SLC16A10: variants seen among roughly 807,000 people sequenced by gnomAD.
SLC16A10 encodes monocarboxylate transporter 10.
A neutral mutation model predicts 40.0 loss-of-function variants in SLC16A10; 27 were observed. The ratio of observed to expected loss-of-function variants is 0.67; its 90% CI spans 0.50 to 0.93. SLC16A10 has a LOEUF of 0.93. Among genes scored for constraint, SLC16A10 ranks in the 40% least tolerant of loss-of-function variants. The pLI is 0.00. For synonymous variants in SLC16A10, 213 were observed against 249.8 expected (o/e 0.85, Z 1.39); for missense variants, 529 against 658.2 (o/e 0.80, Z 2.15).
At position 111,225,215 on chromosome 6, in the gene SLC16A10, A is replaced by G. The variant is rs1770969295; in HGVS notation, c.*2980A>G. On this transcript the variant is annotated 3_prime_UTR_variant, in exon 6 of 6. Transcript: ENST00000368851. ...ACAATGCTTACTCCATAGCCCTGCT[A>G]CAAGACTTAAAATTTCCACTGAAAA... 2.6e-5 allele frequency: 4 copies of G among 152,186 alleles called. No individual in the cohort carries two copies. The highest frequency in any genetic ancestry group is 2.6e-4 in the Admixed American group (4 of 15,270). 9.4% of individuals were successfully genotyped at this position (152,186 alleles called of 1,614,324 possible). A position where few individuals can be genotyped will look rare whatever the true frequency, so the allele number is the denominator to read the frequency against.
At chr6:111,093,362 C>T (rs1192241357) in intron 1 of SLC16A10, among the ~76,000 whole-genome samples, 1 of 152,208 alleles carries the variant, frequency 6.6e-6, no homozygotes, top group Non-Finnish European at 1.5e-5. Flanking sequence ...TAGATGGTTA[C>T]AGTCACAAAG....
At chr6:111,121,921 A>G (rs144493129) in intron 1 of SLC16A10, among the ~76,000 whole-genome samples, 33 of 152,248 alleles carry the variant, frequency 2.2e-4, no homozygotes, top group African/African-American at 7.2e-4. Context: ...GGCTCATGAG[A>G]GGTACATCCT....
intron 4 of SLC16A10, among the ~76,000 whole-genome samples, chr6:111,207,583 G>A (rs973259628): frequency 2.0e-5 from 3 of 152,222 alleles, no homozygotes; most frequent in Non-Finnish European, 2.9e-5. Context: ...ATAAAGCAGT[G>A]TTGCAGCACA....
intron 1 of SLC16A10, among the ~76,000 whole-genome samples, chr6:111,163,764 C>T (rs1772419688): frequency 6.6e-6 from 1 of 152,140 alleles, no homozygotes; most frequent in Non-Finnish European, 1.5e-5. Flanking sequence ...TTATGAAATA[C>T]AATTCCAGAT....
chr6:111,202,756 G>A (rs1435978417), intron 3 of SLC16A10, among the ~76,000 whole-genome samples: 6 of 151,156 alleles, frequency 4.0e-5, no homozygotes, highest in East Asian at 2.0e-4. Context: ...GCGTGGTGGC[G>A]GGCACCTGTA....
At chr6:111,219,120 A>T in intron 5 of SLC16A10, 78 bp downstream of exon 5, 1 of 1,273,656 alleles carries the variant, frequency 7.9e-7, no homozygotes, top group Non-Finnish European at 1.1e-6. Flanking sequence ...TCTCATTTAT[A>T]TGTAAAACAT....
At chr6:111,187,258 C>T (rs1188020619) in intron 3 of SLC16A10, among the ~76,000 whole-genome samples, 1 of 152,162 alleles carries the variant, frequency 6.6e-6, no homozygotes, top group East Asian at 1.9e-4. Flanking sequence ...GTGAAATGGG[C>T]AATATCAGGG....
At chr6:111,186,308 A>G (rs1189118747) in intron 3 of SLC16A10, among the ~76,000 whole-genome samples, 1 of 152,246 alleles carries the variant, frequency 6.6e-6, no homozygotes, top group Non-Finnish European at 1.5e-5. Flanking sequence ...GGACATTGGC[A>G]TGTCTCAAAT....
chr6:111,162,383 T>C (rs925049956), intron 1 of SLC16A10, among the ~76,000 whole-genome samples: 8 of 152,170 alleles, frequency 5.3e-5, no homozygotes, highest in Non-Finnish European at 1.2e-4. Context: ...CAAGATAACA[T>C]GGGGTTCCTG....
At chr6:111,219,813 C>T (rs1770857018) in intron 5 of SLC16A10, among the ~76,000 whole-genome samples, 1 of 152,124 alleles carries the variant, frequency 6.6e-6, no homozygotes, top group Non-Finnish European at 1.5e-5. Context: ...GGCATGGTGG[C>T]TCACACCTGT....
At chr6:111,119,838 A>G (rs925316578) in intron 1 of SLC16A10, among the ~76,000 whole-genome samples, 5 of 152,272 alleles carry the variant, frequency 3.3e-5, no homozygotes, top group East Asian at 1.9e-4. Context: ...TTTAGAAACC[A>G]TAATACTGGC....
intron 3 of SLC16A10, among the ~76,000 whole-genome samples, chr6:111,203,727 TAAATA>T (rs1417345795): frequency 5.6e-5 from 8 of 142,784 alleles, no homozygotes; most frequent in African/African-American, 2.2e-4. Flanking sequence ...CTCAAATAAA[TAAATA>T]AATAAATAAA....
chr6:111,201,551 A>G (rs1177345613), intron 3 of SLC16A10, among the ~76,000 whole-genome samples: 1 of 152,202 alleles, frequency 6.6e-6, no homozygotes, highest in Non-Finnish European at 1.5e-5. Context: ...CCAAAGATAT[A>G]TAGTCTAACT....
Position 111,226,010 on chromosome 6 carries a change from C to T in SLC16A10, c.*3775C>T, listed in dbSNP as rs1317445061. 1 of 152,168 alleles carries T rather than the reference C, an allele frequency of 6.6e-6. No individual in the cohort carries two copies. The highest frequency in any genetic ancestry group is 1.5e-5 in the Non-Finnish European group (1 of 68,038). 9.4% of individuals were successfully genotyped at this position (152,168 alleles called of 1,614,324 possible). A position where few individuals can be genotyped will look rare whatever the true frequency, so the allele number is the denominator to read the frequency against. On this transcript the variant is annotated 3_prime_UTR_variant, in exon 6 of 6. Transcript: ENST00000368851. ...TGGATCCCCACCCAATTTCGTGTATCCTGGTGAATGGCTTTCTCTCAGCCT... is the reference window on the plus strand; with the variant it reads ...TGGATCCCCACCCAATTTCGTGTATTCTGGTGAATGGCTTTCTCTCAGCCT...
intron 4 of SLC16A10, among the ~76,000 whole-genome samples, chr6:111,213,053 T>C (rs1393627003): frequency 6.6e-6 from 1 of 152,220 alleles, no homozygotes; most frequent in Non-Finnish European, 1.5e-5. Context: ...ATAAGTGTTT[T>C]GGAAGGGTGA....
chr6:111,162,107 T>C (rs7751478), intron 1 of SLC16A10, among the ~76,000 whole-genome samples: 76,278 of 152,072 alleles, frequency 0.5, 19,761 homozygotes, highest in East Asian at 0.7. Context: ...ACATAATTTT[T>C]CTCTCTCCAG....
intron 2 of SLC16A10, 141 bp from the exon 3 acceptor site, chr6:111,177,071 A>ATT (rs773411509): frequency 0.013 from 5,338 of 410,814 alleles, 52 homozygotes; most frequent in African/African-American, 0.044. Context: ...ATTTTGGTTA[A>ATT]TTTTTTTTTT....
chr6:111,193,328 A>G (rs1051438633), intron 3 of SLC16A10: 2 of 985,776 alleles, frequency 2.0e-6, no homozygotes, highest in Non-Finnish European at 2.4e-6. Context: ...TGTTCAGGTT[A>G]GTGACAATTT....
At chr6:111,212,149 A>G (rs1342591965) in intron 4 of SLC16A10, among the ~76,000 whole-genome samples, 2 of 152,112 alleles carry the variant, frequency 1.3e-5, no homozygotes, top group East Asian at 3.9e-4. Flanking sequence ...GCCCAAGAGC[A>G]CAGGCTCTGG....
Sources: gnomAD v4.1 joint callset for allele counts (sites outside exome capture counted in the v4.1 genomes callset) on GRCh38, gnomAD v4.1.1 for gene constraint, MANE v1.5 for transcripts, NCBI Gene and HGNC (gene_info 2026-07-23, HGNC 2026-07-21) for gene names.